XPNPEP3: variants seen among roughly 807,000 people sequenced by gnomAD.
XPNPEP3 encodes the protein X-prolyl aminopeptidase 3.
XPNPEP3 carries 41 observed loss-of-function variants against 60.0 expected under a neutral mutation model. That is an observed-to-expected ratio of 0.68 (90% CI 0.53 to 0.89). The LOEUF is 0.89. Ranked by LOEUF, XPNPEP3 falls within the 40% of genes least tolerant of loss-of-function variation. The probability of loss-of-function intolerance (pLI) is 0.00; values close to 1 mark genes in which losing one functional copy is unlikely to be tolerated. For synonymous variants in XPNPEP3, 212 were observed against 223.2 expected (o/e 0.95, Z 0.45); for missense variants, 598 against 638.9 (o/e 0.94, Z 0.69).
At chr22:40,861,891 T>A (rs762723165) in intron 1 of XPNPEP3, 1 of 1,613,998 alleles carries the variant, frequency 6.2e-7, no homozygotes, top group African/African-American at 1.3e-5. Context: ...ATTTTCTGGA[T>A]TTTTATCAGG....
In XPNPEP3 at chr22:40,886,353, A is replaced by G; in HGVS notation, c.630A>G (p.Ser210=). ...NMVWYDWMRP[S]HAQLHSDYMQ... Reference sequence around the variant, plus strand: ...TTTGGTATGACTGGATGAGGCCCTCACATGCACAGCTTCACTCTGACTATA... The same window carrying G: ...TTTGGTATGACTGGATGAGGCCCTCGCATGCACAGCTTCACTCTGACTATA... Residue 210 remains serine (S), a synonymous_variant, in exon 4 of 10, where the codon TCA becomes TCG. Transcript: ENST00000357137. The G allele has an allele frequency of 2.5e-6, 4 of 1,614,150 alleles. No homozygotes were observed. The South Asian group carries it at 4.4e-5, about 18-fold the overall frequency.
chr22:40,861,938 A>G (rs1327379601), intron 1 of XPNPEP3: 1 of 1,612,920 alleles, frequency 6.2e-7, no homozygotes, highest in Non-Finnish European at 8.5e-7. Flanking sequence ...AAGCTTTTTT[A>G]ATGTCCTCAG....
intron 3 of XPNPEP3, among the ~76,000 whole-genome samples, chr22:40,884,553 C>T (rs1184855180): frequency 2.7e-5 from 4 of 150,916 alleles, no homozygotes; most frequent in African/African-American, 9.7e-5. Context: ...AGGCTGGTCT[C>T]GAACTCCTGA....
intron 1 of XPNPEP3, among the ~76,000 whole-genome samples, chr22:40,866,132 T>G (rs537201448): frequency 5.1e-4 from 77 of 152,284 alleles, no homozygotes; most frequent in Admixed American, 9.8e-4. Flanking sequence ...AAATCAAGAA[T>G]TATTCTTAAT....
intron 4 of XPNPEP3, 135 bp downstream of exon 4, chr22:40,886,650 C>T: frequency 1.3e-6 from 1 of 756,556 alleles, no homozygotes; most frequent in Non-Finnish European, 2.2e-6. Context: ...ATGGTGAAAC[C>T]CCGTCTCTAC....
At chr22:40,866,410 T>G (rs1212517904) in intron 1 of XPNPEP3, among the ~76,000 whole-genome samples, 3 of 151,950 alleles carry the variant, frequency 2.0e-5, no homozygotes, top group Non-Finnish European at 4.4e-5. Flanking sequence ...GTAAGAGAAG[T>G]CTCTTGCGTA....
At chr22:40,880,961 T>A (rs753631874) in intron 2 of XPNPEP3, among the ~76,000 whole-genome samples, 11 of 152,064 alleles carry the variant, frequency 7.2e-5, no homozygotes, top group Non-Finnish European at 1.2e-4. Context: ...ACATGGAGGT[T>A]TTTTTTGTTA....
chr22:40,882,643 A>C (rs2058052927), intron 3 of XPNPEP3, among the ~76,000 whole-genome samples: 1 of 152,058 alleles, frequency 6.6e-6, no homozygotes, highest in Non-Finnish European at 1.5e-5. Context: ...TTAAAAAAAA[A>C]AAAAGATTCA....
chr22:40,907,312 T>C (rs540791740), intron 4 of XPNPEP3: 19 of 418,422 alleles, frequency 4.5e-5, no homozygotes, highest in African/African-American at 3.7e-4. Context: ...TCCCAGCTAC[T>C]CGAGAGGCTG....
chr22:40,869,084 C>G lies in XPNPEP3; in HGVS notation c.150C>G (p.Ser50Arg). The stretch of plus-strand genomic sequence containing the variant: ...CAAACCGATACTTAGGCCAGCCCAG[C>G]CCCTTTACACACCCACACCTCCTCA... ...RIPNRYLGQP[S>R]PFTHPHLLRP... The change falls in exon 2 of 10, where the codon AGC (serine) becomes AGG (arginine). Residue 50 changes from serine (S) to arginine (R), a missense_variant. Coordinates refer to ENST00000357137, the MANE Select transcript of XPNPEP3 (RefSeq NM_022098.4). 6.2e-7 allele frequency: 1 copy of G among 1,614,052 alleles called. No homozygotes were observed. Among genetic ancestry groups the G allele is most frequent in the East Asian group, 2.2e-5 (1 of 44,886 alleles).
At chr22:40,881,319 G>A (rs1056866697) in intron 2 of XPNPEP3, among the ~76,000 whole-genome samples, 1 of 151,344 alleles carries the variant, frequency 6.6e-6, no homozygotes, top group African/African-American at 2.4e-5. Context: ...AAAGTGCTGG[G>A]ATTTCAGGCG....
chr22:40,916,574 C>G (rs1277936847), intron 7 of XPNPEP3, among the ~76,000 whole-genome samples: 2 of 152,112 alleles, frequency 1.3e-5, no homozygotes, highest in African/African-American at 4.8e-5. Flanking sequence ...TAATTACCTC[C>G]TAATTCACAA....
At chr22:40,859,215 G>T (rs912018769) in intron 1 of XPNPEP3, among the ~76,000 whole-genome samples, 1 of 152,192 alleles carries the variant, frequency 6.6e-6, no homozygotes, top group Admixed American at 6.5e-5. Context: ...TGAGTACAAG[G>T]AGCTGATAGG....
At chr22:40,908,426 G>A (rs796940740) in intron 5 of XPNPEP3, among the ~76,000 whole-genome samples, 6 of 152,190 alleles carry the variant, frequency 3.9e-5, no homozygotes, top group African/African-American at 1.4e-4. Flanking sequence ...GTTGAGGTGG[G>A]TGGATGGCTT....
intron 7 of XPNPEP3, among the ~76,000 whole-genome samples, chr22:40,918,320 A>G (rs1308005607): frequency 6.6e-6 from 1 of 152,130 alleles, no homozygotes; most frequent in African/African-American, 2.4e-5. Context: ...GTTACGGTGA[A>G]CTATGATCAC....
At chr22:40,873,991 T>C (rs2058018281) in intron 2 of XPNPEP3, among the ~76,000 whole-genome samples, 1 of 152,104 alleles carries the variant, frequency 6.6e-6, no homozygotes, top group Middle Eastern at 3.2e-3. Flanking sequence ...ATTGTAGCCG[T>C]CTCTTGAGCA....
At chr22:40,879,796 C>G (rs2058040421) in intron 2 of XPNPEP3, among the ~76,000 whole-genome samples, 1 of 152,034 alleles carries the variant, frequency 6.6e-6, no homozygotes, top group South Asian at 2.1e-4. Flanking sequence ...GAGGTGAGAT[C>G]ACGCCACTGC....
At chr22:40,864,700 C>T (rs2057969231) in intron 1 of XPNPEP3, among the ~76,000 whole-genome samples, 1 of 152,180 alleles carries the variant, frequency 6.6e-6, no homozygotes, top group Non-Finnish European at 1.5e-5. Flanking sequence ...CCGCCTCAGC[C>T]TCCCAAAGCG....
chr22:40,910,307 C>T (rs2058172528), intron 6 of XPNPEP3, among the ~76,000 whole-genome samples: 1 of 152,024 alleles, frequency 6.6e-6, no homozygotes, highest in African/African-American at 2.4e-5. Context: ...AGTTGTATTA[C>T]ATATATGTGA....
Sources: allele counts gnomAD v4.1 joint callset (sites outside exome capture counted in the v4.1 genomes callset), GRCh38; gene constraint gnomAD v4.1.1; transcripts MANE v1.5; gene names NCBI Gene and HGNC (gene_info 2026-07-23, HGNC 2026-07-21).